KIAA1328: variants seen among roughly 807,000 people sequenced by gnomAD.
KIAA1328 encodes the protein protein hinderin.
Under a neutral mutation model 68.1 loss-of-function variants are expected in KIAA1328, and 52 were observed. The observed-to-expected ratio is 0.76, with a 90% CI of 0.61 to 0.96. KIAA1328 has a LOEUF of 0.96. Ranked by LOEUF, KIAA1328 falls within the 40% of genes least tolerant of loss-of-function variation. The pLI, the probability that KIAA1328 is intolerant of heterozygous loss-of-function variation, is 0.00. For missense variants in KIAA1328, 641 were observed against 677.6 expected (o/e 0.95, Z 0.60); for synonymous variants, 232 against 239.4 (o/e 0.97, Z 0.28).
chr18:37,024,540 A>G (rs1169460709), intron 6 of KIAA1328, among the ~76,000 whole-genome samples: 1 of 86,182 alleles, frequency 1.2e-5, no homozygotes, highest in African/African-American at 4.5e-5. Context: ...CCCCCACCCC[A>G]CAACCAGCCC....
At chr18:36,919,126 TTTA>T (rs1214395700) in intron 5 of KIAA1328, among the ~76,000 whole-genome samples, 1 of 152,176 alleles carries the variant, frequency 6.6e-6, no homozygotes, top group East Asian at 1.9e-4. Flanking sequence ...GTTTTATTCC[TTTA>T]TTATTATTAT....
intron 7 of KIAA1328, among the ~76,000 whole-genome samples, chr18:37,106,672 A>G (rs1314636170): frequency 2.6e-5 from 4 of 152,060 alleles, no homozygotes; most frequent in African/African-American, 9.7e-5. Flanking sequence ...TTGGCCTCCC[A>G]AAGTTCTGGG....
At chr18:36,913,479 TACACACACACACACACACACACACAC>T (rs10582262) in intron 5 of KIAA1328, among the ~76,000 whole-genome samples, 6 of 91,362 alleles carry the variant, frequency 6.6e-5, no homozygotes, top group African/African-American at 2.4e-4. Context: ...ATTACAACCT[TACACACACACACACACACACACACAC>T]ACACACACAC....
rs745473424 is a variant in KIAA1328 at position 37,222,189 on chromosome 18, G to T, written c.1696G>T (p.Glu566Ter). The T allele has an allele frequency of 6.3e-7, 1 of 1,594,034 alleles. No individual in the cohort carries two copies. Among genetic ancestry groups the T allele is most frequent in the Non-Finnish European group, 8.5e-7 (1 of 1,169,648 alleles). The stretch of plus-strand genomic sequence containing the variant: ...GATGCACAGAACCCCTGAAGAGTTG[G>T]AGGAGAATCAGATTCTGGAAGATAT... ...MGMHRTPEEL[E>*]ENQILEDIFF... The change falls in exon 10 of 10, where the codon GAG becomes TAG. Residue 566 changes from glutamate to a stop codon, truncating the protein, a stop_gained. Transcript: ENST00000280020. LOFTEE classifies it high-confidence loss of function.
chr18:37,094,423 A>C (rs989314166), intron 7 of KIAA1328, among the ~76,000 whole-genome samples: 1 of 152,242 alleles, frequency 6.6e-6, no homozygotes, highest in Non-Finnish European at 1.5e-5. Context: ...AAAATGAAGG[A>C]GAAATAGTCT....
intron 4 of KIAA1328, among the ~76,000 whole-genome samples, chr18:36,880,240 C>G (rs918153717): frequency 6.6e-6 from 1 of 152,188 alleles, no homozygotes; most frequent in Non-Finnish European, 1.5e-5. Context: ...AGCACCATCC[C>G]TCATGGCACA....
chr18:37,064,142 G>T (rs914922885), intron 6 of KIAA1328, among the ~76,000 whole-genome samples: 4 of 152,094 alleles, frequency 2.6e-5, no homozygotes, highest in African/African-American at 9.7e-5. Context: ...TTTGCCTAGC[G>T]CTGGTTCATA....
intron 6 of KIAA1328, among the ~76,000 whole-genome samples, chr18:37,019,171 C>T (rs1005462336): frequency 7.2e-5 from 11 of 151,946 alleles, no homozygotes; most frequent in African/African-American, 2.7e-4. Context: ...CTCCCCACCC[C>T]CCTCCGAGTG....
At chr18:36,988,129 C>T (rs1005780873) in intron 6 of KIAA1328, among the ~76,000 whole-genome samples, 8 of 152,114 alleles carry the variant, frequency 5.3e-5, no homozygotes, top group Non-Finnish European at 1.2e-4. Flanking sequence ...ATTTTGAAAC[C>T]CGCAGAAACT....
At chr18:37,229,164 G>A (rs1568559961), downstream of KIAA1328, among the ~76,000 whole-genome samples, 1 of 152,162 alleles carries the variant, frequency 6.6e-6, no homozygotes, top group Non-Finnish European at 1.5e-5. Flanking sequence ...CAGACCGTGT[G>A]GGAGGAGGAG....
At chr18:37,011,947 C>G (rs530774848) in intron 6 of KIAA1328, among the ~76,000 whole-genome samples, 11 of 150,874 alleles carry the variant, frequency 7.3e-5, no homozygotes, top group African/African-American at 2.7e-4. Flanking sequence ...TAAATTGTAC[C>G]TGAATTTAGA....
chr18:36,965,375 T>G (rs1021219672), intron 6 of KIAA1328, among the ~76,000 whole-genome samples: 3 of 151,578 alleles, frequency 2.0e-5, no homozygotes, highest in African/African-American at 7.3e-5. Flanking sequence ...TACTACAAAT[T>G]TAATGTCTGT....
intron 6 of KIAA1328, among the ~76,000 whole-genome samples, chr18:36,978,184 A>G (rs140777362): frequency 1.3e-5 from 2 of 152,324 alleles, no homozygotes; most frequent in Non-Finnish European, 2.9e-5. Context: ...CACACAATAT[A>G]TGCTTTGTTC....
chr18:37,164,555 G>T (rs954176651), intron 8 of KIAA1328, among the ~76,000 whole-genome samples: 1 of 152,026 alleles, frequency 6.6e-6, no homozygotes, highest in Non-Finnish European at 1.5e-5. Context: ...GACCAGCCTG[G>T]CCAACATGGT....
intron 9 of KIAA1328, among the ~76,000 whole-genome samples, chr18:37,175,108 C>G (rs961504844): frequency 6.6e-6 from 1 of 152,168 alleles, no homozygotes; most frequent in Non-Finnish European, 1.5e-5. Context: ...CAGAGGGTTT[C>G]CATCCTAGCT....
intron 6 of KIAA1328, among the ~76,000 whole-genome samples, chr18:37,046,904 G>A (rs1157643667): frequency 6.6e-6 from 1 of 152,192 alleles, no homozygotes; most frequent in Non-Finnish European, 1.5e-5. Context: ...GCCAAGACGG[G>A]TGGATCACCT....
chr18:37,023,661 G>A (rs560209395), intron 6 of KIAA1328, among the ~76,000 whole-genome samples: 1 of 152,218 alleles, frequency 6.6e-6, no homozygotes, highest in South Asian at 2.1e-4. Context: ...CAACCATTGG[G>A]TTTACTTTCC....
rs749179088 is a variant in KIAA1328, at chr18:37,044,375, G to C, written c.577-22515G>C. ...TGGGAGTTGGAGCTGATAGGAACGT[G>C]GTAAAGGAAAGGAGTATATTCAGGT... On this transcript the variant is annotated intron_variant, in intron 6 of 9. Coordinates refer to ENST00000280020, the MANE Select transcript of KIAA1328 (RefSeq NM_020776.3). Among the ~76,000 whole-genome samples, 3 of 151,916 alleles carry C rather than the reference G, an allele frequency of 2.0e-5. No homozygotes were observed. The South Asian group carries it at 6.2e-4, about 32-fold the overall frequency.
intron 8 of KIAA1328, among the ~76,000 whole-genome samples, chr18:37,169,373 G>A (rs1026263634): frequency 1.3e-5 from 2 of 151,880 alleles, no homozygotes; most frequent in Non-Finnish European, 2.9e-5. Flanking sequence ...CACTATGTTG[G>A]CCAGGCTGGT....
Sources: allele counts gnomAD v4.1 joint callset (sites outside exome capture counted in the v4.1 genomes callset), GRCh38; gene constraint gnomAD v4.1.1; transcripts MANE v1.5; gene names NCBI Gene and HGNC (gene_info 2026-07-23, HGNC 2026-07-21).